Variants in NKAIN2 observed in about 807,000 individuals in gnomAD.
NKAIN2 encodes the protein sodium/potassium-transporting ATPase subunit beta-1-interacting protein 2.
Under a neutral mutation model 32.6 loss-of-function variants are expected in NKAIN2, and 14 were observed. The observed-to-expected ratio is 0.43, with a 90% CI of 0.28 to 0.67. The LOEUF is 0.67. Ranked by LOEUF, NKAIN2 falls within the 30% of genes least tolerant of loss-of-function variation. The pLI is 0.17. For synonymous variants in NKAIN2, 80 were observed against 87.2 expected (o/e 0.92, Z 0.46); for missense variants, 198 against 258.3 (o/e 0.77, Z 1.60).
intron 4 of NKAIN2, among the ~76,000 whole-genome samples, chr6:124,660,498 C>T (rs1337870424): frequency 1.3e-5 from 2 of 152,142 alleles, no homozygotes; most frequent in Non-Finnish European, 2.9e-5. Flanking sequence ...AGCAAGGTGG[C>T]TAGAGTGCAA....
rs6928516 is a variant in NKAIN2, at chr6:123,910,652, C to T, written c.54+106398C>T. Among the ~76,000 whole-genome samples, 297 of 151,668 alleles carry T rather than the reference C, an allele frequency of 2.0e-3. 1 individual carries two copies. Among genetic ancestry groups the T allele is most frequent in the African/African-American group, 6.7e-3 (275 of 41,328 alleles). ...CTGAGTAGCTGGGACTATACAGGCA[C>T]GCACAACCATGCCCAGCTAATTTTT... On this transcript the variant is annotated intron_variant, in intron 1 of 6. Coordinates refer to ENST00000368417, the MANE Select transcript of NKAIN2 (RefSeq NM_001040214.3).
At chr6:124,690,424 C>A (rs768638177) in intron 4 of NKAIN2, among the ~76,000 whole-genome samples, 1 of 152,086 alleles carries the variant, frequency 6.6e-6, no homozygotes, top group Non-Finnish European at 1.5e-5. Context: ...AATCAGCATA[C>A]CTTCAGTTTC....
chr6:124,517,009 C>A lies in NKAIN2; in HGVS notation c.274-141177C>A, dbSNP rs536852017. 1.0e-3 allele frequency among the ~76,000 whole-genome samples: 157 copies of A among 152,238 alleles called. 2 individuals are homozygous for A. The highest frequency in any genetic ancestry group is 6.4e-3 in the South Asian group (31 of 4,822). ...TTAGCTTTTGAGGGCATATAGGATA[C>A]TATTTGAATTGGAGTAACTTTCTGT... On this transcript the variant is annotated intron_variant, in intron 3 of 6. Coordinates refer to ENST00000368417, the MANE Select transcript of NKAIN2 (RefSeq NM_001040214.3).
chr6:124,328,008 A>G (rs1797492033), intron 2 of NKAIN2, among the ~76,000 whole-genome samples: 1 of 152,236 alleles, frequency 6.6e-6, no homozygotes, highest in Non-Finnish European at 1.5e-5. Context: ...ACATTGGATT[A>G]TCATCGCTTC....
At chr6:124,789,112 A>G (rs1246816151) in intron 4 of NKAIN2, among the ~76,000 whole-genome samples, 1 of 152,072 alleles carries the variant, frequency 6.6e-6, no homozygotes, top group Non-Finnish European at 1.5e-5. Context: ...AATGCAGTGC[A>G]GTGCATTGCC....
chr6:124,486,228 TCTC>T (rs1777644350), intron 3 of NKAIN2, among the ~76,000 whole-genome samples: 1 of 152,182 alleles, frequency 6.6e-6, no homozygotes, highest in Non-Finnish European at 1.5e-5. Context: ...GTGACGTCTG[TCTC>T]CTCAACAACA....
At chr6:124,413,949 A>G (rs533968615) in intron 3 of NKAIN2, among the ~76,000 whole-genome samples, 1 of 152,162 alleles carries the variant, frequency 6.6e-6, no homozygotes, top group East Asian at 1.9e-4. Flanking sequence ...GGGATTTTCT[A>G]CATAGATAAT....
At chr6:124,300,393 T>C (rs938146772) in intron 2 of NKAIN2, among the ~76,000 whole-genome samples, 4 of 152,088 alleles carry the variant, frequency 2.6e-5, no homozygotes, top group African/African-American at 9.7e-5. Context: ...GAACTGTGAG[T>C]CAATTAAACC....
At chr6:124,053,437 C>A (rs1048331599) in intron 1 of NKAIN2, among the ~76,000 whole-genome samples, 37 of 152,190 alleles carry the variant, frequency 2.4e-4, no homozygotes, top group African/African-American at 7.9e-4. Flanking sequence ...TTAAACACCA[C>A]CTGTCTTAAA....
intron 2 of NKAIN2, among the ~76,000 whole-genome samples, 175 bp from the exon 3 acceptor site, chr6:124,355,092 G>GA (rs370860513): frequency 1.0e-3 from 154 of 148,060 alleles, no homozygotes; most frequent in African/African-American, 2.8e-3. Context: ...AGGAAAGAAG[G>GA]AAAAAAAAAT....
intron 1 of NKAIN2, among the ~76,000 whole-genome samples, chr6:124,103,580 C>T (rs1215310040): frequency 1.3e-5 from 2 of 152,066 alleles, no homozygotes; most frequent in Non-Finnish European, 1.5e-5. Context: ...ATAATGCCTT[C>T]AAATGTATTT....
intron 4 of NKAIN2, among the ~76,000 whole-genome samples, chr6:124,757,477 T>C (rs1487574327): frequency 6.6e-6 from 1 of 152,184 alleles, no homozygotes; most frequent in Non-Finnish European, 1.5e-5. Flanking sequence ...TTTATTCAAC[T>C]AAACATGATC....
At chr6:124,077,433 A>G (rs1783743256) in intron 1 of NKAIN2, among the ~76,000 whole-genome samples, 1 of 152,188 alleles carries the variant, frequency 6.6e-6, no homozygotes, top group African/African-American at 2.4e-5. Context: ...TTAGCTCAGA[A>G]GGAGCAACTT....
At chr6:124,720,565 C>G in intron 4 of NKAIN2, among the ~76,000 whole-genome samples, 1 of 152,178 alleles carries the variant, frequency 6.6e-6, no homozygotes, top group Non-Finnish European at 1.5e-5. Context: ...TGAAATTTTT[C>G]ATGGAAATCT....
At chr6:124,350,517 T>C (rs1023317323) in intron 2 of NKAIN2, among the ~76,000 whole-genome samples, 3 of 152,242 alleles carry the variant, frequency 2.0e-5, no homozygotes, top group Non-Finnish European at 4.4e-5. Context: ...TGAGATAAAT[T>C]AGATAAAGTC....
intron 3 of NKAIN2, among the ~76,000 whole-genome samples, chr6:124,450,646 A>G (rs1001811649): frequency 5.3e-5 from 8 of 151,842 alleles, no homozygotes; most frequent in Non-Finnish European, 1.0e-4. Flanking sequence ...GACTCTGCAT[A>G]TCCTGATAAG....
intron 1 of NKAIN2, among the ~76,000 whole-genome samples, chr6:124,208,223 A>T (rs1254516413): frequency 6.6e-6 from 1 of 151,860 alleles, no homozygotes; most frequent in Admixed American, 6.6e-5. Flanking sequence ...GATATATAAA[A>T]TTTGAATAAT....
chr6:124,469,274 T>G (rs540055333), intron 3 of NKAIN2, among the ~76,000 whole-genome samples: 3 of 152,200 alleles, frequency 2.0e-5, no homozygotes, highest in Non-Finnish European at 2.9e-5. Context: ...TGTTACAAAG[T>G]TATAACATTG....
At chr6:124,640,204 G>T (rs949280383) in intron 3 of NKAIN2, among the ~76,000 whole-genome samples, 2 of 152,172 alleles carry the variant, frequency 1.3e-5, no homozygotes, top group Non-Finnish European at 2.9e-5. Flanking sequence ...CCAGGGGTGG[G>T]TTTCCTATTC....
Sources: allele counts gnomAD v4.1 joint callset (sites outside exome capture counted in the v4.1 genomes callset), GRCh38; gene constraint gnomAD v4.1.1; transcripts MANE v1.5; gene names NCBI Gene and HGNC (gene_info 2026-07-23, HGNC 2026-07-21).